Variants in LAMA2 observed in about 807,000 individuals in gnomAD.
The protein encoded by LAMA2 is laminin subunit alpha-2.
A neutral mutation model predicts 364.8 loss-of-function variants in LAMA2; 269 were observed. That is an observed-to-expected ratio of 0.74 (90% confidence interval 0.67 to 0.82). LAMA2 has a LOEUF of 0.82. Ranked by LOEUF, LAMA2 falls within the 40% of genes least tolerant of loss-of-function variation. The pLI is 0.00. For missense variants in LAMA2, 3,807 were observed against 3,873.2 expected (o/e 0.98, Z 0.45); for synonymous variants, 1,379 against 1,370.6 (o/e 1.01, Z -0.14).
At chr6:128,961,083 AT>A (rs1334176601) in intron 1 of LAMA2, among the ~76,000 whole-genome samples, 2 of 151,590 alleles carry the variant, frequency 1.3e-5, no homozygotes, top group Non-Finnish European at 2.9e-5. Flanking sequence ...TCGGTAGGCT[AT>A]TTTTATGGAC....
At chr6:129,122,458 A>C (rs139924640) in intron 4 of LAMA2, among the ~76,000 whole-genome samples, 53 of 152,198 alleles carry the variant, frequency 3.5e-4, no homozygotes, top group Admixed American at 7.2e-4. Flanking sequence ...TGGCCCAGCA[A>C]GCTTTCATGT....
At chr6:129,472,825 T>TATTTCTAATTAATTATCTG (rs1414504551) in intron 51 of LAMA2, among the ~76,000 whole-genome samples, 2 of 151,990 alleles carry the variant, frequency 1.3e-5, no homozygotes, top group African/African-American at 2.4e-5. Context: ...AGATTAGGCA[T>TATTTCTAATTAATTATCTG]ATTTCTAATT....
chr6:129,483,277 A>G (rs1489439729), intron 55 of LAMA2, among the ~76,000 whole-genome samples: 1 of 152,026 alleles, frequency 6.6e-6, no homozygotes, highest in East Asian at 1.9e-4. Context: ...CATTATAAAC[A>G]TTTGCTATAA....
chr6:129,052,430 G>T (rs4345416), intron 2 of LAMA2, among the ~76,000 whole-genome samples: 6,431 of 151,760 alleles, frequency 0.042, 389 homozygotes, highest in African/African-American at 0.13. Flanking sequence ...TTACAGGCGT[G>T]AGCCACCGCG....
intron 1 of LAMA2, among the ~76,000 whole-genome samples, chr6:129,009,318 A>G (rs759659814): frequency 4.6e-5 from 7 of 152,288 alleles, no homozygotes; most frequent in South Asian, 2.1e-4. Flanking sequence ...TGGAATTATA[A>G]TTTAGATTCT....
At chr6:129,133,921 G>A (rs1181034127) in intron 4 of LAMA2, among the ~76,000 whole-genome samples, 2 of 152,030 alleles carry the variant, frequency 1.3e-5, no homozygotes, top group Middle Eastern at 3.2e-3. Flanking sequence ...AAGAACCTTT[G>A]AGTCAGAGAA....
At chr6:128,960,064 T>A (rs2114590149) in intron 1 of LAMA2, among the ~76,000 whole-genome samples, 1 of 152,208 alleles carries the variant, frequency 6.6e-6, no homozygotes, top group Admixed American at 6.5e-5. Context: ...CAATTTCCCC[T>A]ATCTTATATA....
chr6:129,032,589 A>G (rs1470453958), intron 1 of LAMA2, among the ~76,000 whole-genome samples: 1 of 152,208 alleles, frequency 6.6e-6, no homozygotes, highest in Non-Finnish European at 1.5e-5. Context: ...CCTAGGTACA[A>G]TTATGATCTA....
chr6:129,175,200 G>C lies in LAMA2; in HGVS notation c.1307-2506G>C, dbSNP rs528817861. Among the ~76,000 whole-genome samples the C allele has an allele frequency of 9.2e-4, 140 of 152,124 alleles. 1 individual carries two copies. Among genetic ancestry groups the C allele is most frequent in the African/African-American group, 3.1e-3 (130 of 41,528 alleles). ...AGAGGATCCTTTTAATGTACTTTAG[G>C]ATTCAGTTTGGTGTTTTGCTCATCT... On this transcript the variant is annotated intron_variant, in intron 9 of 64. Transcript: ENST00000421865.
Position 129,442,243 on chromosome 6 carries a change from A to G in LAMA2, c.6269-820A>G, listed in dbSNP as rs544696321. The G allele has an allele frequency of 3.8e-6, 5 of 1,307,660 alleles. No individual in the cohort carries two copies. The highest frequency in any genetic ancestry group is 1.0e-4 in the East Asian group (2 of 19,136). The allele number at this position is 1,307,660 out of a possible 1,614,324, so 81.0% of individuals were successfully genotyped here. ...CCTCAAATCAAATCCTATGGATGCT[A>G]TGATATAATAGACATTATTAATACG... On this transcript the variant is annotated intron_variant, in intron 43 of 64. Transcript: ENST00000421865.
rs796976373 is a variant in LAMA2, at chr6:128,888,377, T to C, written c.112+5020T>C. 2.4e-4 allele frequency among the ~76,000 whole-genome samples: 37 copies of C among 152,220 alleles called. 1 individual carries two copies. Among genetic ancestry groups the C allele is most frequent in the African/African-American group, 8.9e-4 (37 of 41,544 alleles). On this transcript the variant is annotated intron_variant, in intron 1 of 64. Transcript: ENST00000421865. ...CTGCTCTTGTGGAACTAATATTTAG[T>C]TGGGATGGAGATGAGCAGACAGGAC...
At chr6:129,461,618 A>T (rs377407423) in intron 49 of LAMA2, among the ~76,000 whole-genome samples, 1 of 152,072 alleles carries the variant, frequency 6.6e-6, no homozygotes, top group African/African-American at 2.4e-5. Flanking sequence ...TCAAAAGCCT[A>T]TTATCAACAA....
intron 17 of LAMA2, among the ~76,000 whole-genome samples, chr6:129,271,937 T>C (rs2114361984): frequency 6.6e-6 from 1 of 152,308 alleles, no homozygotes; most frequent in East Asian, 1.9e-4. Context: ...CTAAAGACTT[T>C]GAGATAATTC....
At chr6:129,331,792 A>G (rs958639858) in intron 29 of LAMA2, among the ~76,000 whole-genome samples, 16 of 152,050 alleles carry the variant, frequency 1.1e-4, no homozygotes, top group African/African-American at 3.6e-4. Context: ...TTCTCCTTTG[A>G]ATTACTAAAA....
intron 1 of LAMA2, among the ~76,000 whole-genome samples, chr6:128,899,311 AGTTAG>A (rs1337453730): frequency 6.6e-6 from 1 of 152,240 alleles, no homozygotes; most frequent in African/African-American, 2.4e-5. Context: ...TTATATAATT[AGTTAG>A]AAGACCAATC....
chr6:129,389,291 C>T (rs1214434795), intron 35 of LAMA2, among the ~76,000 whole-genome samples: 8 of 152,182 alleles, frequency 5.3e-5, no homozygotes, highest in Non-Finnish European at 8.8e-5. Context: ...CCCATTTGGG[C>T]TGCTATAATG....
Position 129,270,692 on chromosome 6 carries a change from T to A in LAMA2, c.2391T>A (p.Thr797=). 6.2e-7 allele frequency: 1 copy of A among 1,613,164 alleles called. No individual in the cohort carries two copies. The highest frequency in any genetic ancestry group is 8.5e-7 in the Non-Finnish European group (1 of 1,179,426). Residue 797 remains threonine, a synonymous_variant, in exon 17 of 65, where the codon ACT becomes ACA. Coordinates refer to ENST00000421865, the MANE Select transcript of LAMA2 (RefSeq NM_000426.4). Reference sequence around the variant, plus strand: ...TTCCTGGTTTCTATGGCGAGCCTACTAAAGGAACCTCTGAAGACTGTCAAC... The same window carrying A: ...TTCCTGGTTTCTATGGCGAGCCTACAAAAGGAACCTCTGAAGACTGTCAAC... ...KCLPGFYGEP[T]KGTSEDCQPC...
intron 22 of LAMA2, among the ~76,000 whole-genome samples, chr6:129,307,521 G>A (rs1267679283): frequency 1.3e-5 from 2 of 152,156 alleles, no homozygotes; most frequent in African/African-American, 4.8e-5. Flanking sequence ...TATAATGCGG[G>A]CTTTGGGTTT....
At chr6:129,172,928 C>G (rs952072062) in intron 9 of LAMA2, among the ~76,000 whole-genome samples, 3 of 152,172 alleles carry the variant, frequency 2.0e-5, no homozygotes, top group African/African-American at 7.2e-5. Flanking sequence ...GGGAGTGACC[C>G]GATTTTCCAG....
Sources: allele counts gnomAD v4.1 joint callset (sites outside exome capture counted in the v4.1 genomes callset), GRCh38; gene constraint gnomAD v4.1.1; transcripts MANE v1.5; gene names NCBI Gene and HGNC (gene_info 2026-07-23, HGNC 2026-07-21).